The following RNF19A variants were observed in gnomAD, a reference collection of about 807,000 sequenced individuals.
The protein encoded by RNF19A is E3 ubiquitin-protein ligase RNF19A.
A neutral mutation model predicts 75.7 loss-of-function variants in RNF19A; 32 were observed. The ratio of observed to expected loss-of-function variants is 0.42; its 90% CI spans 0.32 to 0.57. The LOEUF is 0.57. Among genes scored for constraint, RNF19A ranks in the 20% least tolerant of loss-of-function variants. The pLI, the probability that RNF19A is intolerant of heterozygous loss-of-function variation, is 0.10. For synonymous variants in RNF19A, 335 were observed against 345.2 expected (o/e 0.97, Z 0.33); for missense variants, 782 against 1,036.3 (o/e 0.75, Z 3.37).
chr8:100,272,030 C>G (rs16898138), intron 3 of RNF19A, among the ~76,000 whole-genome samples: 8,947 of 152,162 alleles, frequency 0.059, 334 homozygotes, highest in African/African-American at 0.11. Context: ...GAAAAAACAA[C>G]AGGTTACAAA....
chr8:100,278,088 A>G (rs980472820), intron 2 of RNF19A, among the ~76,000 whole-genome samples: 1 of 152,270 alleles, frequency 6.6e-6, no homozygotes, highest in African/African-American at 2.4e-5. Flanking sequence ...TAAGTAAATT[A>G]CATTATCTCC....
intron 3 of RNF19A, among the ~76,000 whole-genome samples, chr8:100,270,938 C>T (rs1012502080): frequency 3.3e-5 from 5 of 152,152 alleles, no homozygotes; most frequent in African/African-American, 1.2e-4. Flanking sequence ...TAAATAGTAA[C>T]TTGTAATTAC....
At chr8:100,318,274 C>T (rs1269767288) in intron 1 of RNF19A, among the ~76,000 whole-genome samples, 1 of 152,168 alleles carries the variant, frequency 6.6e-6, no homozygotes, top group African/African-American at 2.4e-5. Context: ...TGTGAGAAAG[C>T]TTAAAGCCTT....
rs1820161322 is a variant in RNF19A, at chr8:100,269,689, A to G, written c.1028+180T>C. Among the ~76,000 whole-genome samples the G allele has an allele frequency of 6.6e-6, 1 of 152,174 alleles. No homozygotes were observed. The highest frequency in any genetic ancestry group is 2.1e-4 in the South Asian group (1 of 4,830). On this transcript the variant is annotated intron_variant, in intron 4 of 9. Coordinates refer to ENST00000341084, the MANE Select transcript of RNF19A (RefSeq NM_183419.4). This position sits in a 1 kb window ranked among gnomAD's most constrained non-coding sequence, Gnocchi z 5.7. ...CAAAAAAAGGAAATATCCATTTCCT[A>G]TTTTGACTAGTTATTAATTCCAAAT...
At position 100,324,385 on chromosome 8, in the gene RNF19A, C is replaced by A. The variant is rs1369335572; in HGVS notation, c.-242-11013G>T. On this transcript the variant is annotated intron_variant, in intron 1 of 3. Coordinates refer to the RNF19A transcript ENST00000519527. This position sits in a 1 kb window ranked among gnomAD's most constrained non-coding sequence, Gnocchi z 4.2. Reference sequence around the variant, plus strand: ...GATGATTAATCACAAAGAAGTATTTCTTTTGTTTCCACCTTAATATTTACT... The same window carrying A: ...GATGATTAATCACAAAGAAGTATTTATTTTGTTTCCACCTTAATATTTACT... 2.6e-5 allele frequency among the ~76,000 whole-genome samples: 4 copies of A among 152,192 alleles called. No individual in the cohort carries two copies. The highest frequency in any genetic ancestry group is 9.6e-5 in the African/African-American group (4 of 41,456).
chr8:100,314,752 T>C (rs541027218), upstream of RNF19A, among the ~76,000 whole-genome samples: 4 of 152,248 alleles, frequency 2.6e-5, no homozygotes, highest in East Asian at 3.9e-4. This position sits in a 1 kb window ranked among gnomAD's most constrained non-coding sequence, Gnocchi z 4.1. Context: ...CAAGCTCACA[T>C]TCCCTAGCTC....
upstream of RNF19A, chr8:100,310,273 C>CGCGCCCGCGCAGGAGCCGCCCCGCT (rs1431355233): frequency 7.1e-6 from 7 of 982,412 alleles, no homozygotes; most frequent in African/African-American, 1.0e-4. Flanking sequence ...ACGTTCGTTC[C>CGCGCCCGCGCAGGAGCCGCCCCGCT]GCGCCCGCGC....
intron 1 of RNF19A, among the ~76,000 whole-genome samples, chr8:100,316,843 G>T (rs1006075910): frequency 6.6e-6 from 1 of 152,226 alleles, no homozygotes; most frequent in Non-Finnish European, 1.5e-5. Flanking sequence ...CCTGGGGGAG[G>T]CTCAGGCCGC....
chr8:100,313,477 G>C (rs144058189), upstream of RNF19A: 11 of 164,440 alleles, frequency 6.7e-5, no homozygotes, highest in Middle Eastern at 3.1e-3. Context: ...AAGGCAGCTA[G>C]AGGCTGAACA....
intron 1 of RNF19A, among the ~76,000 whole-genome samples, chr8:100,301,985 G>C (rs1014473876): frequency 2.0e-5 from 3 of 152,166 alleles, no homozygotes; most frequent in Admixed American, 2.0e-4. Flanking sequence ...CCCTAAGGGA[G>C]GAATGTGTCT....
rs1431838581 is a variant in RNF19A, at chr8:100,330,092, T to TA, written c.-243+6015dup. 2.0e-5 allele frequency among the ~76,000 whole-genome samples: 3 copies of TA among 152,090 alleles called. No individual in the cohort carries two copies. The highest frequency in any genetic ancestry group is 4.4e-5 in the Non-Finnish European group (3 of 68,016). ...GGCTGCCAGGATCCTTCTTGGCTCT[T>TA]AGAGTTCATAATTATTCTCTACCGA... On this transcript the variant is annotated intron_variant, in intron 1 of 3. Transcript: ENST00000519527. This position sits in a 1 kb window ranked among gnomAD's most constrained non-coding sequence, Gnocchi z 4.1.
At position 100,319,062 on chromosome 8, in the gene RNF19A, C is replaced by CTTT. The variant is rs1448311822; in HGVS notation, c.-242-5691_-242-5690insAAA. Among the ~76,000 whole-genome samples, 38 of 152,174 alleles carry CTTT rather than the reference C, an allele frequency of 2.5e-4. 1 individual carries two copies. The highest frequency in any genetic ancestry group is 2.5e-3 in the Admixed American group (38 of 15,286). ...ATGTAAAGCTGAATAAAGAAATTCA[C>CTTT]CGTAATCAAATTACTGAGGAATATA... On this transcript the variant is annotated intron_variant, in intron 1 of 3. Coordinates refer to the RNF19A transcript ENST00000519527.
At chr8:100,279,106 G>A (rs1820660069) in intron 2 of RNF19A, among the ~76,000 whole-genome samples, 1 of 152,094 alleles carries the variant, frequency 6.6e-6, no homozygotes, top group South Asian at 2.1e-4. Context: ...GCTGCTTATA[G>A]AGAACAAGAT....
intron 1 of RNF19A, among the ~76,000 whole-genome samples, chr8:100,288,985 G>A (rs568671560): frequency 1.1e-4 from 16 of 151,570 alleles, no homozygotes; most frequent in African/African-American, 2.7e-4. Flanking sequence ...GCGTGAACCC[G>A]GGAAGTGGAG....
rs1819866222 is a variant in RNF19A, at chr8:100,264,267, A to G, written c.1307-72T>C. The G allele has an allele frequency of 7.5e-7, 1 of 1,326,182 alleles. No individual in the cohort carries two copies. The highest frequency in any genetic ancestry group is 1.4e-5 in the South Asian group (1 of 72,476). The allele number at this position is 1,326,182 out of a possible 1,614,324, so 82.2% of individuals were successfully genotyped here. On this transcript the variant is annotated intron_variant, in intron 6 of 9. Coordinates refer to ENST00000341084, the MANE Select transcript of RNF19A (RefSeq NM_183419.4). The surrounding 1 kb of genome is among the most constrained non-coding windows in gnomAD (Gnocchi z 4.7). ...ACTCACAGAAACATGAGTTTTAGAAAGTCTTTTCAAGAGAGTCATACAGAG... is the reference window on the plus strand; with the variant it reads ...ACTCACAGAAACATGAGTTTTAGAAGGTCTTTTCAAGAGAGTCATACAGAG...
chr8:100,280,545 T>A (rs1415758151), intron 2 of RNF19A, among the ~76,000 whole-genome samples: 2 of 152,232 alleles, frequency 1.3e-5, no homozygotes, highest in African/African-American at 2.4e-5. Flanking sequence ...AACTAAACAT[T>A]CAAGTCTTAC....
intron 1 of RNF19A, among the ~76,000 whole-genome samples, chr8:100,295,452 G>T (rs1415693280): frequency 1.3e-5 from 2 of 151,948 alleles, no homozygotes; most frequent in Non-Finnish European, 1.5e-5. Flanking sequence ...TGCTCACTGG[G>T]CATAACTTTA....
chr8:100,297,381 TG>T (rs2130091510), intron 1 of RNF19A, among the ~76,000 whole-genome samples: 1 of 152,350 alleles, frequency 6.6e-6, no homozygotes, highest in African/African-American at 2.4e-5. Flanking sequence ...CTGTATCATC[TG>T]TAAAATGGGG....
Position 100,333,034 on chromosome 8 carries a change from T to C in RNF19A, c.-243+3074A>G, listed in dbSNP as rs1044988410. 1.3e-5 allele frequency among the ~76,000 whole-genome samples: 2 copies of C among 152,186 alleles called. No individual in the cohort carries two copies. The highest frequency in any genetic ancestry group is 6.5e-5 in the Admixed American group (1 of 15,290). On this transcript the variant is annotated intron_variant, in intron 1 of 3. Transcript: ENST00000519527. This position sits in a 1 kb window ranked among gnomAD's most constrained non-coding sequence, Gnocchi z 4.7. Reference sequence around the variant, plus strand: ...TCTTTTCTCTTTTTCACCCTCAGTATATTGCTAACTCTTAAAATTTGTTCC... The same window carrying C: ...TCTTTTCTCTTTTTCACCCTCAGTACATTGCTAACTCTTAAAATTTGTTCC...
Sources: allele counts gnomAD v4.1 joint callset (sites outside exome capture counted in the v4.1 genomes callset), GRCh38; gene constraint gnomAD v4.1.1; non-coding constraint Gnocchi (gnomAD v3.1); transcripts MANE v1.5; gene names NCBI Gene and HGNC (gene_info 2026-07-23, HGNC 2026-07-21).